The following DPH5 variants were observed in gnomAD, a reference collection of about 807,000 sequenced individuals.
The protein encoded by DPH5 is diphthine methyl ester synthase.
DPH5 carries 31 observed loss-of-function variants against 31.6 expected under a neutral mutation model. That is an observed-to-expected ratio of 0.98 (90% CI 0.74 to 1.32). DPH5 has a LOEUF of 1.32. Among genes scored for constraint, DPH5 ranks in the 40% most tolerant of loss-of-function variants. DPH5 has a pLI of 0.00. For missense variants in DPH5, 309 were observed against 335.7 expected (o/e 0.92, Z 0.62); for synonymous variants, 120 against 115.0 (o/e 1.04, Z -0.28).
intron 6 of DPH5, among the ~76,000 whole-genome samples, chr1:100,994,671 C>T (rs1658169278): frequency 6.6e-6 from 1 of 152,034 alleles, no homozygotes; most frequent in African/African-American, 2.4e-5. Flanking sequence ...AGATTAAAGG[C>T]ACGTGCCACC....
At chr1:101,011,204 T>C (rs985472151) in intron 4 of DPH5, among the ~76,000 whole-genome samples, 9 of 152,040 alleles carry the variant, frequency 5.9e-5, no homozygotes, top group Non-Finnish European at 1.0e-4. Context: ...AAGTGTGTCA[T>C]GCATATGATT....
At chr1:100,990,729 C>T in intron 7 of DPH5, 98 bp from the exon 8 acceptor site, 2 of 1,131,900 alleles carry the variant, frequency 1.8e-6, no homozygotes, top group Non-Finnish European at 2.5e-6. Flanking sequence ...TTCAAGAAGC[C>T]CCAAATATCT....
intron 4 of DPH5, among the ~76,000 whole-genome samples, chr1:101,010,532 C>A (rs1191058441): frequency 6.6e-6 from 1 of 152,096 alleles, no homozygotes; most frequent in African/African-American, 2.4e-5. Flanking sequence ...ATAACAAAAA[C>A]AACAGAATAG....
At chr1:100,994,369 C>G (rs1658133093) in intron 6 of DPH5, among the ~76,000 whole-genome samples, 1 of 152,124 alleles carries the variant, frequency 6.6e-6, no homozygotes, top group Non-Finnish European at 1.5e-5. Flanking sequence ...AGCCACATTT[C>G]AAATGCTCCT....
In DPH5 at chr1:101,001,532, G is replaced by A. The variant is rs199610084; in HGVS notation, c.425C>T (p.Pro142Leu). ...SIVFWTDTWR[P>L]ESFFDKVKKN... ...CTTCACTTTGTCAAAGAAGCTTTCTGGTCTCCAAGTGTCTGTCCAAAAAAC... is the reference window on the plus strand; with the variant it reads ...CTTCACTTTGTCAAAGAAGCTTTCTAGTCTCCAAGTGTCTGTCCAAAAAAC... Residue 142 changes from proline to leucine, a missense_variant, in exon 5 of 8, where the codon CCA (proline) becomes CTA (leucine). By Grantham distance (98) the Pro-to-Leu change is moderately conservative. Transcript: ENST00000370109. 7 of 1,611,438 alleles carry A rather than the reference G, an allele frequency of 4.3e-6. No homozygotes were observed. The African/African-American group carries it at 8.0e-5, about 18-fold the overall frequency.
chr1:101,018,314 T>G (rs1478365638), intron 3 of DPH5, among the ~76,000 whole-genome samples: 1 of 151,610 alleles, frequency 6.6e-6, no homozygotes, highest in Admixed American at 6.6e-5. Flanking sequence ...TCTTGGCTCA[T>G]GCAACCTCCG....
intron 3 of DPH5, 49 bp downstream of exon 3, chr1:101,021,592 T>TA: frequency 9.6e-6 from 15 of 1,566,170 alleles, no homozygotes; most frequent in African/African-American, 1.4e-5. Context: ...TCTTACTGAT[T>TA]AAAAAAAAGT....
At chr1:101,007,196 C>A (rs142616713) in intron 4 of DPH5, among the ~76,000 whole-genome samples, 1 of 151,880 alleles carries the variant, frequency 6.6e-6, no homozygotes, top group Non-Finnish European at 1.5e-5. Context: ...CTGAAATGTG[C>A]CAAAATTGGT....
rs114771465 is a variant in DPH5 at position 101,002,042 on chromosome 1, A to G, written c.370-455T>C. Reference sequence around the variant, plus strand: ...ATAGCTAACTAATATAAAAATAAACACTTAAATCTAGCCTGAGGGAATGCT... The same window carrying G: ...ATAGCTAACTAATATAAAAATAAACGCTTAAATCTAGCCTGAGGGAATGCT... On this transcript the variant is annotated intron_variant, in intron 4 of 7. Coordinates refer to ENST00000370109, the MANE Select transcript of DPH5 (RefSeq NM_015958.3). Among the ~76,000 whole-genome samples the G allele has an allele frequency of 4.0e-3, 602 of 152,326 alleles. 6 individuals carry two copies. The highest frequency in any genetic ancestry group is 6.6e-3 in the Non-Finnish European group (446 of 68,028).
chr1:101,009,696 T>A (rs1232620135), intron 4 of DPH5, among the ~76,000 whole-genome samples: 1 of 152,220 alleles, frequency 6.6e-6, no homozygotes, highest in Non-Finnish European at 1.5e-5. Context: ...TTTTAAAAAA[T>A]TTATCAGATC....
intron 4 of DPH5, among the ~76,000 whole-genome samples, chr1:101,005,720 C>T (rs919437580): frequency 6.9e-4 from 105 of 152,298 alleles, no homozygotes; most frequent in African/African-American, 2.4e-3. Context: ...TCAGCAAGTA[C>T]TTGTGACATA....
intron 2 of DPH5, 68 bp from the exon 3 acceptor site, chr1:101,021,833 C>CAT: frequency 1.5e-6 from 2 of 1,323,932 alleles, no homozygotes; most frequent in East Asian, 4.8e-5. Context: ...CACACACACA[C>CAT]ACACACACAC....
At position 100,990,111 on chromosome 1, in the gene DPH5, G is replaced by T; in HGVS notation, c.*297C>A. 1 of 371,844 alleles carries T rather than the reference G, an allele frequency of 2.7e-6. No individual in the cohort carries two copies. Among genetic ancestry groups the T allele is most frequent in the Non-Finnish European group, 5.0e-6 (1 of 201,940 alleles). The allele number at this position is 371,844 out of a possible 1,614,324, so 23.0% of individuals were successfully genotyped here. A position where few individuals can be genotyped will look rare whatever the true frequency, so the allele number is the denominator to read the frequency against. ...TCGACTCACAGTTCCACATGGCTGGGAAGGCCTCAGGAAACTTAACAATCA... is the reference window on the plus strand; with the variant it reads ...TCGACTCACAGTTCCACATGGCTGGTAAGGCCTCAGGAAACTTAACAATCA... On this transcript the variant is annotated 3_prime_UTR_variant, in exon 8 of 8. Coordinates refer to ENST00000370109, the MANE Select transcript of DPH5 (RefSeq NM_015958.3).
chr1:101,009,269 T>C (rs1659464456), intron 4 of DPH5, among the ~76,000 whole-genome samples: 1 of 152,296 alleles, frequency 6.6e-6, no homozygotes, highest in Non-Finnish European at 1.5e-5. Flanking sequence ...ACAGGGCTCT[T>C]AGTGACAGGA....
chr1:101,000,837 T>G (rs1382063392), intron 5 of DPH5, among the ~76,000 whole-genome samples: 2 of 152,206 alleles, frequency 1.3e-5, no homozygotes, highest in African/African-American at 4.8e-5. Flanking sequence ...ACTATTATCT[T>G]GGAAAACAAA....
chr1:100,992,992 TA>T lies in DPH5; in HGVS notation c.531-253del, dbSNP rs202115874. Among the ~76,000 whole-genome samples, 783 of 152,338 alleles carry T rather than the reference TA, an allele frequency of 5.1e-3. 7 individuals carry two copies. Among genetic ancestry groups the T allele is most frequent in the East Asian group, 0.038 (196 of 5,186 alleles). ...GCAGGAACACATAAAGATAGATGTC[TA>T]AATGAAAGTTATCTTTATTCAAAGT... On this transcript the variant is annotated intron_variant, in intron 6 of 7. Coordinates refer to ENST00000370109, the MANE Select transcript of DPH5 (RefSeq NM_015958.3).
intron 4 of DPH5, 138 bp downstream of exon 4, chr1:101,013,570 CTA>C (rs1349693467): frequency 2.1e-6 from 1 of 486,464 alleles, no homozygotes; most frequent in East Asian, 3.3e-5. Context: ...AAAATTCAGT[CTA>C]TGTATATACT....
chr1:101,011,156 G>C (rs11166536), intron 4 of DPH5, among the ~76,000 whole-genome samples: 11,336 of 152,214 alleles, frequency 0.074, 569 homozygotes, highest in South Asian at 0.19. Flanking sequence ...CAAAGTACTT[G>C]CATTATGCAG....
intron 5 of DPH5, among the ~76,000 whole-genome samples, chr1:100,997,952 T>C (rs1241312748): frequency 1.3e-5 from 2 of 152,196 alleles, no homozygotes; most frequent in African/African-American, 4.8e-5. Context: ...TCTGATGGCA[T>C]AGTCCACACC....
Sources: gnomAD v4.1 joint callset for allele counts (sites outside exome capture counted in the v4.1 genomes callset) on GRCh38, gnomAD v4.1.1 for gene constraint, MANE v1.5 for transcripts, NCBI Gene and HGNC (gene_info 2026-07-23, HGNC 2026-07-21) for gene names.